Variants in OSBPL1A observed in about 807,000 individuals in gnomAD.
OSBPL1A encodes oxysterol binding protein like 1A, also known as oxysterol-binding protein-related protein 1.
OSBPL1A carries 80 observed loss-of-function variants against 137.1 expected under a neutral mutation model. The ratio of observed to expected loss-of-function variants is 0.58; its 90% CI spans 0.49 to 0.70. The LOEUF (loss-of-function observed/expected upper bound fraction) is 0.70, where lower values mean the gene tolerates loss of function less well. Ranked by LOEUF, OSBPL1A falls within the 30% of genes least tolerant of loss-of-function variation. OSBPL1A has a pLI of 0.00. For missense variants in OSBPL1A, 970 were observed against 1,129.4 expected, an observed-to-expected ratio of 0.86 and a Z score of 2.02; for synonymous variants, 365 against 389.7, an observed-to-expected ratio of 0.94 and a Z score of 0.75.
chr18:24,242,703 A>G (rs2088742845), intron 15 of OSBPL1A, among the ~76,000 whole-genome samples: 1 of 152,236 alleles, frequency 6.6e-6, no homozygotes, highest in Non-Finnish European at 1.5e-5. Flanking sequence ...GTGTTTATCA[A>G]TACAGCAGGC....
intron 4 of OSBPL1A, among the ~76,000 whole-genome samples, chr18:24,351,367 A>G (rs1186515718): frequency 1.3e-5 from 2 of 150,538 alleles, no homozygotes; most frequent in African/African-American, 2.4e-5. Context: ...AAAAAAAAAA[A>G]AAGACATAAA....
intron 13 of OSBPL1A, among the ~76,000 whole-genome samples, chr18:24,306,265 A>G (rs2090499094): frequency 6.6e-6 from 1 of 152,106 alleles, no homozygotes; most frequent in African/African-American, 2.4e-5. Context: ...TAGAAACCAA[A>G]ATTTTAGCTG....
chr18:24,358,714 C>T (rs45595931), intron 4 of OSBPL1A, among the ~76,000 whole-genome samples: 9,887 of 152,210 alleles, frequency 0.065, 389 homozygotes, highest in Middle Eastern at 0.095. Context: ...TTCTGAGACA[C>T]AGAACATAGG....
chr18:24,271,560 G>A lies in OSBPL1A; in HGVS notation c.1281+9282C>T. ...GGCCGCCCTCCCCGCTCCGTCCCCC[G>A]GCGTCCTCCGTGGCCCCAGGCTGCC... is the stretch of plus-strand genomic sequence containing the variant. On this transcript the variant is annotated intron_variant, in intron 15 of 27. Coordinates refer to ENST00000319481, the MANE Select transcript of OSBPL1A (RefSeq NM_080597.4). The surrounding 1 kb of genome is among the most constrained non-coding windows in gnomAD (Gnocchi z 4.0). 2.0e-6 allele frequency: 2 copies of A among 987,170 alleles called. No homozygotes were observed. Among genetic ancestry groups the A allele is most frequent in the South Asian group, 9.4e-5 (2 of 21,318 alleles). 61.2% of individuals were successfully genotyped at this position (987,170 alleles called of 1,614,324 possible).
rs78771860 is a variant in OSBPL1A at position 24,336,516 on chromosome 18, T to C, written c.395-2186A>G. On this transcript the variant is annotated intron_variant, in intron 5 of 27. Coordinates refer to ENST00000319481, the MANE Select transcript of OSBPL1A (RefSeq NM_080597.4). Reference sequence around the variant, plus strand: ...ATGGATGCTGTTTACAGAGATGTGTTCTACAGAAATCGTTCTAAAGGAGCT... The same window carrying C: ...ATGGATGCTGTTTACAGAGATGTGTCCTACAGAAATCGTTCTAAAGGAGCT... Among the ~76,000 whole-genome samples, 619 of 152,334 alleles carry C rather than the reference T, an allele frequency of 4.1e-3. 3 individuals are homozygous for C. Among genetic ancestry groups the C allele is most frequent in the South Asian group, 9.1e-3 (44 of 4,824 alleles).
chr18:24,396,749 C>A (rs1003376366), intron 1 of OSBPL1A, among the ~76,000 whole-genome samples: 5 of 152,054 alleles, frequency 3.3e-5, no homozygotes, highest in Non-Finnish European at 5.9e-5. Flanking sequence ...TTCATTGTAT[C>A]GGGGTTAGAC....
intron 17 of OSBPL1A, among the ~76,000 whole-genome samples, chr18:24,212,388 C>G (rs1432506004): frequency 6.6e-6 from 1 of 152,104 alleles, no homozygotes; most frequent in Non-Finnish European, 1.5e-5. Context: ...GGCACTTCCA[C>G]TAAGTGGGCT....
chr18:24,246,607 A>G (rs917964446), intron 15 of OSBPL1A, among the ~76,000 whole-genome samples: 9 of 152,012 alleles, frequency 5.9e-5, no homozygotes, highest in African/African-American at 1.9e-4. Context: ...TCTGACCAAC[A>G]TGGTGAAACC....
intron 4 of OSBPL1A, among the ~76,000 whole-genome samples, chr18:24,362,690 G>A (rs1270883185): frequency 6.6e-6 from 1 of 152,178 alleles, no homozygotes; most frequent in Non-Finnish European, 1.5e-5. Context: ...CTATGTCATA[G>A]TTAATTTTGC....
At chr18:24,291,276 T>C (rs1197005091) in intron 14 of OSBPL1A, among the ~76,000 whole-genome samples, 1 of 152,154 alleles carries the variant, frequency 6.6e-6, no homozygotes, top group African/African-American at 2.4e-5. Flanking sequence ...TAGAAATGCA[T>C]GTAATATAAA....
chr18:24,338,369 C>A (rs142898034), intron 5 of OSBPL1A, among the ~76,000 whole-genome samples: 2 of 151,836 alleles, frequency 1.3e-5, no homozygotes, highest in Admixed American at 6.6e-5. Context: ...CATGAGCCAC[C>A]GTGCCCGGCC....
At chr18:24,370,719 G>A (rs1599725473) in intron 2 of OSBPL1A, among the ~76,000 whole-genome samples, 2 of 152,274 alleles carry the variant, frequency 1.3e-5, no homozygotes, top group South Asian at 4.2e-4. Flanking sequence ...CCAGGCTATA[G>A]TGCAGTGGCA....
Position 24,303,686 on chromosome 18 carries a change from C to T in OSBPL1A, c.1125G>A (p.Arg375=), listed in dbSNP as rs2090445887. The T allele has an allele frequency of 1.2e-6, 2 of 1,613,204 alleles. No individual in the cohort carries two copies. The highest frequency in any genetic ancestry group is 1.3e-5 in the African/African-American group (1 of 74,836). Residue 375 remains arginine, a synonymous_variant, in exon 14 of 28, where the codon AGG becomes AGA. Transcript: ENST00000319481. The stretch of plus-strand genomic sequence containing the variant: ...TCATTTTGAGAAAGTTGGAAATTTC[C>T]CTATCTAGTCGCTGTTGGCATGACT... The part of the protein sequence containing the change: ...KAQSCQQRLD[R]EISNFLKMIK...
Position 24,184,196 on chromosome 18 carries a change from T to C in OSBPL1A, c.1678-2917A>G, listed in dbSNP as rs76268241. Among the ~76,000 whole-genome samples, 475 of 152,206 alleles carry C rather than the reference T, an allele frequency of 3.1e-3. 4 individuals are homozygous for C. Among genetic ancestry groups the C allele is most frequent in the African/African-American group, 0.011 (456 of 41,554 alleles). On this transcript the variant is annotated intron_variant, in intron 18 of 27. Transcript: ENST00000319481. ...TGGAGTTTCTGGGTCAAGAGCATGCTCATTTAATTAATTAATTTATTTTTT... is the reference window on the plus strand; with the variant it reads ...TGGAGTTTCTGGGTCAAGAGCATGCCCATTTAATTAATTAATTTATTTTTT...
At chr18:24,188,597 C>T (rs933089606) in intron 18 of OSBPL1A, among the ~76,000 whole-genome samples, 12 of 152,120 alleles carry the variant, frequency 7.9e-5, no homozygotes, top group Admixed American at 1.3e-4. Flanking sequence ...GAAAGGCACA[C>T]GGCTGGGTCA....
intron 16 of OSBPL1A, among the ~76,000 whole-genome samples, chr18:24,227,796 A>G (rs1432756648): frequency 6.6e-6 from 1 of 152,200 alleles, no homozygotes; most frequent in African/African-American, 2.4e-5. Context: ...TTGAGAAAAA[A>G]AATGTAAAAA....
chr18:24,360,342 T>C (rs759160950), intron 4 of OSBPL1A, among the ~76,000 whole-genome samples: 3 of 152,224 alleles, frequency 2.0e-5, no homozygotes, highest in Non-Finnish European at 4.4e-5. Context: ...AAATCCCTTT[T>C]CAACTCAACA....
chr18:24,200,561 CAAAA>C (rs893025554), intron 17 of OSBPL1A, among the ~76,000 whole-genome samples: 4 of 70,452 alleles, frequency 5.7e-5, no homozygotes, highest in Non-Finnish European at 9.1e-5. Flanking sequence ...GACTCCGTGT[CAAAA>C]AAAAAAAAAA....
At chr18:24,334,436 T>G (rs1208195221) in intron 5 of OSBPL1A, 106 bp from the exon 6 acceptor site, 2 of 701,512 alleles carry the variant, frequency 2.9e-6, no homozygotes, top group Non-Finnish European at 4.4e-6. Context: ...TGTTTTGGAT[T>G]GTAATTCAAA....
Sources: gnomAD v4.1 joint callset for allele counts (sites outside exome capture counted in the v4.1 genomes callset) on GRCh38, gnomAD v4.1.1 for gene constraint, Gnocchi (gnomAD v3.1) non-coding constraint, MANE v1.5 for transcripts, NCBI Gene and HGNC (gene_info 2026-07-23, HGNC 2026-07-21) for gene names.